The following SERGEF variants were observed in gnomAD, a reference collection of about 807,000 sequenced individuals.
SERGEF encodes the protein secretion-regulating guanine nucleotide exchange factor.
A neutral mutation model predicts 50.0 loss-of-function variants in SERGEF; 51 were observed. The ratio of observed to expected loss-of-function variants is 1.02; its 90% CI spans 0.81 to 1.29. The LOEUF (loss-of-function observed/expected upper bound fraction) is 1.29. Among genes scored for constraint, SERGEF ranks in the 50% most tolerant of loss-of-function variants. The pLI, the probability that SERGEF is intolerant of heterozygous loss-of-function variation, is 0.00. For synonymous variants in SERGEF, 205 were observed against 212.4 expected (o/e 0.97, Z 0.30); for missense variants, 521 against 557.0 (o/e 0.94, Z 0.65).
chr11:17,987,197 G>C (rs1240529511), intron 8 of SERGEF, among the ~76,000 whole-genome samples: 2 of 152,180 alleles, frequency 1.3e-5, no homozygotes, highest in African/African-American at 4.8e-5. Flanking sequence ...CTAAGTCCCA[G>C]GAAAGAGGTC....
At chr11:17,962,141 G>A (rs1424746849) in intron 8 of SERGEF, among the ~76,000 whole-genome samples, 1 of 152,150 alleles carries the variant, frequency 6.6e-6, no homozygotes, top group African/African-American at 2.4e-5. Context: ...GTCCCAAACT[G>A]ACAAAACTTG....
intron 1 of SERGEF, chr11:18,010,075 TC>T: frequency 8.3e-7 from 1 of 1,204,574 alleles, no homozygotes; most frequent in Non-Finnish European, 1.1e-6. Context: ...AAGTACCTAC[TC>T]CTAGCTGGTT....
intron 8 of SERGEF, among the ~76,000 whole-genome samples, chr11:17,964,374 T>C (rs899476705): frequency 9.2e-5 from 14 of 151,946 alleles, no homozygotes; most frequent in South Asian, 6.2e-4. Context: ...GCTGCAGCCA[T>C]AGCTATAGGT....
intron 10 of SERGEF, among the ~76,000 whole-genome samples, chr11:17,830,647 A>G (rs1203422659): frequency 1.0e-5 from 1 of 97,802 alleles, no homozygotes; most frequent in African/African-American, 3.8e-5. Flanking sequence ...AGGGAGAGGG[A>G]GGGAGAGAGA....
chr11:17,941,128 A>C (rs1477490501), intron 9 of SERGEF, among the ~76,000 whole-genome samples: 1 of 152,212 alleles, frequency 6.6e-6, no homozygotes, highest in African/African-American at 2.4e-5. Flanking sequence ...TCTATTCACC[A>C]ATCTTTTTAA....
intron 9 of SERGEF, among the ~76,000 whole-genome samples, chr11:17,947,225 C>A (rs979514868): frequency 6.6e-6 from 1 of 152,204 alleles, no homozygotes; most frequent in Non-Finnish European, 1.5e-5. Context: ...TGGTGCCTAT[C>A]CTCAAGTAGC....
intron 6 of SERGEF, among the ~76,000 whole-genome samples, chr11:17,994,557 CA>C (rs1555021168): frequency 2.0e-5 from 3 of 149,226 alleles, no homozygotes. Context: ...GCAGAGGTAA[CA>C]GTTTTCCCAT....
At chr11:17,973,577 C>G (rs1853302443) in intron 8 of SERGEF, among the ~76,000 whole-genome samples, 1 of 152,102 alleles carries the variant, frequency 6.6e-6, no homozygotes, top group African/African-American at 2.4e-5. Flanking sequence ...TCCTAGGATG[C>G]CAATTTGTGG....
intron 9 of SERGEF, among the ~76,000 whole-genome samples, chr11:17,906,336 A>G (rs1565200775): frequency 6.6e-6 from 1 of 152,224 alleles, no homozygotes; most frequent in Non-Finnish European, 1.5e-5. Flanking sequence ...GGTTTAGAAT[A>G]CCAGTGGCTA....
At chr11:17,822,376 C>T (rs1480251836) in intron 10 of SERGEF, among the ~76,000 whole-genome samples, 1 of 152,038 alleles carries the variant, frequency 6.6e-6, no homozygotes, top group Non-Finnish European at 1.5e-5. Flanking sequence ...AAGAGAAAAA[C>T]TAAATTCAAG....
Position 17,959,993 on chromosome 11 carries a change from T to G in SERGEF, c.845-357A>C, listed in dbSNP as rs1290764682. Reference sequence around the variant, plus strand: ...TTCCCTCCCTTCCCCACACACTCCTTGTGCTTTGCCCAGATGCCTGTTCTC... The same window carrying G: ...TTCCCTCCCTTCCCCACACACTCCTGGTGCTTTGCCCAGATGCCTGTTCTC... On this transcript the variant is annotated intron_variant, in intron 8 of 10. Coordinates refer to ENST00000265965, the MANE Select transcript of SERGEF (RefSeq NM_012139.4). Among the ~76,000 whole-genome samples, 4 of 152,206 alleles carry G rather than the reference T, an allele frequency of 2.6e-5. No individual in the cohort carries two copies. In the South Asian group the frequency reaches 6.2e-4, roughly 24 times the overall value.
At chr11:17,816,547 C>A (rs2133840110) in intron 10 of SERGEF, among the ~76,000 whole-genome samples, 1 of 152,336 alleles carries the variant, frequency 6.6e-6, no homozygotes, top group African/African-American at 2.4e-5. Context: ...AAGGCATGGC[C>A]TCCCAGAACA....
intron 9 of SERGEF, among the ~76,000 whole-genome samples, chr11:17,905,917 C>T (rs1005685672): frequency 3.9e-5 from 6 of 152,140 alleles, no homozygotes; most frequent in African/African-American, 1.4e-4. Flanking sequence ...GATTCCAACC[C>T]CAGATTGCTG....
At chr11:18,007,641 A>G (rs575414205) in intron 2 of SERGEF, among the ~76,000 whole-genome samples, 1 of 152,204 alleles carries the variant, frequency 6.6e-6, no homozygotes, top group South Asian at 2.1e-4. Context: ...TGTAAAATAT[A>G]CATTGTAACT....
intron 9 of SERGEF, among the ~76,000 whole-genome samples, chr11:17,883,778 G>A (rs963574115): frequency 1.3e-5 from 2 of 152,162 alleles, no homozygotes; most frequent in Non-Finnish European, 2.9e-5. Context: ...TCCTGCCTAG[G>A]GCTAGGAGTG....
intron 10 of SERGEF, among the ~76,000 whole-genome samples, chr11:17,816,164 C>T (rs1002615490): frequency 1.3e-5 from 2 of 152,164 alleles, no homozygotes; most frequent in Non-Finnish European, 2.9e-5. Context: ...TCCAGCTCCC[C>T]TTTCCTGATC....
At chr11:17,935,424 G>A (rs1852432277) in intron 9 of SERGEF, among the ~76,000 whole-genome samples, 1 of 152,110 alleles carries the variant, frequency 6.6e-6, no homozygotes, top group Non-Finnish European at 1.5e-5. Context: ...AGCTGTGATA[G>A]CACCACTGTA....
chr11:17,822,104 A>G (rs1401254627), intron 10 of SERGEF, among the ~76,000 whole-genome samples: 1 of 152,196 alleles, frequency 6.6e-6, no homozygotes, highest in Non-Finnish European at 1.5e-5. Context: ...GTATTGTTTA[A>G]TTAAACAGAG....
At chr11:17,824,936 A>G (rs1179527942) in intron 10 of SERGEF, among the ~76,000 whole-genome samples, 6 of 152,186 alleles carry the variant, frequency 3.9e-5, no homozygotes, top group Non-Finnish European at 7.3e-5. Context: ...GTCTAAGCCA[A>G]TATTATTTCC....
Sources: allele counts gnomAD v4.1 joint callset (sites outside exome capture counted in the v4.1 genomes callset), GRCh38; gene constraint gnomAD v4.1.1; transcripts MANE v1.5; gene names NCBI Gene and HGNC (gene_info 2026-07-23, HGNC 2026-07-21).